Variants in CSMD1 observed in about 807,000 individuals in gnomAD.
The protein encoded by CSMD1 is CUB and sushi domain-containing protein 1.
A neutral mutation model predicts 417.5 loss-of-function variants in CSMD1; 213 were observed. The observed-to-expected ratio is 0.51, with a 90% CI of 0.46 to 0.57. The LOEUF is 0.57. Ranked by LOEUF, CSMD1 falls within the 20% of genes least tolerant of loss-of-function variation. The pLI is 0.00. For synonymous variants in CSMD1, 2,862 were observed against 1,736.8 expected, an observed-to-expected ratio of 1.65 and a Z score of -16.11; for missense variants, 6,923 against 4,529.7, an observed-to-expected ratio of 1.53 and a Z score of -15.17.
chr8:4,553,849 C>A (rs923544644), intron 2 of CSMD1, among the ~76,000 whole-genome samples: 4 of 152,110 alleles, frequency 2.6e-5, no homozygotes, highest in African/African-American at 9.7e-5. Flanking sequence ...GCTGGGAAGA[C>A]ACAGGACTGG....
chr8:4,799,900 A>G (rs1798183606), intron 1 of CSMD1, among the ~76,000 whole-genome samples: 1 of 152,174 alleles, frequency 6.6e-6, no homozygotes, highest in Non-Finnish European at 1.5e-5. Context: ...CTGGACTGGT[A>G]AAATGAACTA....
chr8:3,232,707 G>C (rs1423232698), intron 26 of CSMD1, among the ~76,000 whole-genome samples: 2 of 152,066 alleles, frequency 1.3e-5, no homozygotes, highest in Admixed American at 6.6e-5. Flanking sequence ...GTGCCCTGAA[G>C]TTCCTGCTCT....
At chr8:3,143,138 A>T (rs773491317) in intron 40 of CSMD1, among the ~76,000 whole-genome samples, 1 of 152,230 alleles carries the variant, frequency 6.6e-6, no homozygotes, top group Non-Finnish European at 1.5e-5. Context: ...GTTTTAAAAC[A>T]TGCCACAGAG....
At chr8:4,433,511 G>A (rs1256636202) in intron 2 of CSMD1, among the ~76,000 whole-genome samples, 3 of 152,114 alleles carry the variant, frequency 2.0e-5, no homozygotes, top group African/African-American at 4.8e-5. Context: ...CATTCCCAAG[G>A]CAGCCCCAGA....
intron 5 of CSMD1, among the ~76,000 whole-genome samples, chr8:3,822,884 A>T (rs993437581): frequency 1.3e-5 from 2 of 152,136 alleles, no homozygotes; most frequent in African/African-American, 4.8e-5. Flanking sequence ...TGTCTAAATG[A>T]GAACCAGAGT....
intron 3 of CSMD1, among the ~76,000 whole-genome samples, chr8:4,372,077 T>C (rs1250639998): frequency 1.3e-5 from 2 of 152,178 alleles, no homozygotes; most frequent in Non-Finnish European, 2.9e-5. Flanking sequence ...GTGGCTGAGG[T>C]GGAAGAAAAG....
chr8:3,707,496 G>T (rs573045642), intron 7 of CSMD1, among the ~76,000 whole-genome samples: 1 of 152,218 alleles, frequency 6.6e-6, no homozygotes, highest in African/African-American at 2.4e-5. Flanking sequence ...AGTCCTAGAA[G>T]AAGCGTGAGC....
At chr8:3,018,672 T>C in intron 51 of CSMD1, 22 bp from the exon 52 acceptor site, 4 of 1,600,516 alleles carry the variant, frequency 2.5e-6, no homozygotes, top group Non-Finnish European at 3.4e-6. Context: ...AACAATAAAA[T>C]GAACATCAAT....
At chr8:4,038,961 G>C (rs187182887) in intron 3 of CSMD1, among the ~76,000 whole-genome samples, 52 of 152,210 alleles carry the variant, frequency 3.4e-4, no homozygotes, top group Middle Eastern at 3.4e-3. Flanking sequence ...GACTTAATTG[G>C]GCTATCACAT....
chr8:4,190,803 A>G (rs1458949058), intron 3 of CSMD1, among the ~76,000 whole-genome samples: 2 of 152,290 alleles, frequency 1.3e-5, no homozygotes, highest in African/African-American at 2.4e-5. Flanking sequence ...CTGCAGGGAC[A>G]TGGATGGAGC....
Position 4,572,783 on chromosome 8 carries a change from C to A in CSMD1, c.302+64559G>T, listed in dbSNP as rs540196966. On this transcript the variant is annotated intron_variant, in intron 2 of 69. Coordinates refer to ENST00000635120, the MANE Select transcript of CSMD1 (RefSeq NM_033225.6). ...CAATCATAGATTTGGTATTTTCACACAGTCCCATATTTCTTGGAAGCTCTA... is the reference window on the plus strand; with the variant it reads ...CAATCATAGATTTGGTATTTTCACAAAGTCCCATATTTCTTGGAAGCTCTA... Among the ~76,000 whole-genome samples, 6 of 152,318 alleles carry A rather than the reference C, an allele frequency of 3.9e-5. No individual in the cohort carries two copies. In the South Asian group the frequency reaches 1.2e-3, roughly 32 times the overall value.
At chr8:3,915,269 G>T (rs966059267) in intron 5 of CSMD1, among the ~76,000 whole-genome samples, 1 of 151,952 alleles carries the variant, frequency 6.6e-6, no homozygotes, top group Admixed American at 6.6e-5. Context: ...ATCTGGGCAT[G>T]GTAGTGTGTG....
Position 3,946,510 on chromosome 8 carries a change from G to A in CSMD1, c.818+51393C>T, listed in dbSNP as rs374467607. On this transcript the variant is annotated intron_variant, in intron 5 of 69. Transcript: ENST00000635120. Reference sequence around the variant, plus strand: ...TTTTAAATCATATTGACTATTCTAGGCCCTTGGCAATTTCATATGAATTTT... The same window carrying A: ...TTTTAAATCATATTGACTATTCTAGACCCTTGGCAATTTCATATGAATTTT... Among the ~76,000 whole-genome samples, 19 of 152,010 alleles carry A rather than the reference G, an allele frequency of 1.2e-4. No individual in the cohort carries two copies. The East Asian group carries it at 3.7e-3, about 29-fold the overall frequency.
At chr8:4,303,486 T>G (rs1798091629) in intron 3 of CSMD1, among the ~76,000 whole-genome samples, 1 of 124,938 alleles carries the variant, frequency 8.0e-6, no homozygotes, top group Non-Finnish European at 1.6e-5. Context: ...CATGTTGATT[T>G]TCAATCTCCT....
intron 1 of CSMD1, among the ~76,000 whole-genome samples, chr8:4,952,179 C>A (rs10448109): frequency 4.0e-5 from 6 of 151,852 alleles, no homozygotes; most frequent in African/African-American, 1.4e-4. Context: ...CTCTCCTACA[C>A]AGGAAAAGTA....
intron 2 of CSMD1, among the ~76,000 whole-genome samples, chr8:4,456,114 G>T (rs12375248): frequency 7.3e-6 from 1 of 136,150 alleles, no homozygotes; most frequent in African/African-American, 2.7e-5. Flanking sequence ...CTTAAAATAA[G>T]AAGGACATTA....
chr8:3,575,858 A>T (rs1800130159), intron 9 of CSMD1, among the ~76,000 whole-genome samples: 1 of 150,842 alleles, frequency 6.6e-6, no homozygotes, highest in African/African-American at 2.4e-5. Context: ...TTTTTTTTTT[A>T]AATCAATACA....
At chr8:4,916,605 T>A (rs149095301) in intron 1 of CSMD1, among the ~76,000 whole-genome samples, 1 of 152,344 alleles carries the variant, frequency 6.6e-6, no homozygotes, top group East Asian at 1.9e-4. Flanking sequence ...TATCAGATCA[T>A]CCTACTTGGG....
At chr8:3,648,351 G>T (rs551879413) in intron 7 of CSMD1, among the ~76,000 whole-genome samples, 1 of 151,946 alleles carries the variant, frequency 6.6e-6, no homozygotes, top group Non-Finnish European at 1.5e-5. Context: ...CAATATTTTG[G>T]TCATGACAGA....
Sources: allele counts gnomAD v4.1 joint callset (sites outside exome capture counted in the v4.1 genomes callset), GRCh38; gene constraint gnomAD v4.1.1; transcripts MANE v1.5; gene names NCBI Gene and HGNC (gene_info 2026-07-23, HGNC 2026-07-21).